The following TPRX1 variants were observed in gnomAD, a reference collection of about 807,000 sequenced individuals.
The protein encoded by TPRX1 is tetrapeptide repeat homeobox 1, also known as tetra-peptide repeat homeobox protein 1.
A neutral mutation model predicts 8.1 loss-of-function variants in TPRX1; 2 were observed. That is an observed-to-expected ratio of 0.25 (90% confidence interval 0.10 to 0.78). The LOEUF is 0.78. Among genes scored for constraint, TPRX1 ranks in the 30% least tolerant of loss-of-function variants. TPRX1 has a pLI of 0.70. For missense variants in TPRX1, 517 were observed against 586.9 expected (o/e 0.88, Z 1.23); for synonymous variants, 257 against 254.1 (o/e 1.01, Z -0.11).
At chr19:47,804,992 C>T (rs1967722180) in intron 2 of TPRX1, among the ~76,000 whole-genome samples, 1 of 152,226 alleles carries the variant, frequency 6.6e-6, no homozygotes, top group African/African-American at 2.4e-5. Context: ...GGCTGCCTGC[C>T]TTGTCCAGCC....
intron 2 of TPRX1, among the ~76,000 whole-genome samples, chr19:47,807,790 T>C (rs982059373): frequency 2.6e-5 from 4 of 152,290 alleles, no homozygotes; most frequent in Admixed American, 2.0e-4. Context: ...ATCAAAGAGA[T>C]GGATCAAGTG....
intron 2 of TPRX1, among the ~76,000 whole-genome samples, chr19:47,805,708 C>T (rs1285504385): frequency 2.0e-5 from 3 of 152,246 alleles, no homozygotes; most frequent in Non-Finnish European, 4.4e-5. Flanking sequence ...ACACATTGTC[C>T]GGCTTCATCT....
At chr19:47,808,395 G>A (rs1434297237) in intron 2 of TPRX1, among the ~76,000 whole-genome samples, 2 of 151,912 alleles carry the variant, frequency 1.3e-5, no homozygotes, top group Non-Finnish European at 2.9e-5. Flanking sequence ...GATTACAGGT[G>A]TGAGCCACCA....
At position 47,804,914 on chromosome 19, in the gene TPRX1, G is replaced by A. The variant is rs189486801; in HGVS notation, c.152-1241C>T. 3.1e-3 allele frequency among the ~76,000 whole-genome samples: 470 copies of A among 152,244 alleles called. 3 individuals carry two copies. The highest frequency in any genetic ancestry group is 0.011 in the African/African-American group (440 of 41,558). On this transcript the variant is annotated intron_variant, in intron 2 of 3. Transcript: ENST00000535759. ...CAGCCAGCCCCCAGGAGTCATCCTT[G>A]TTCCTTCCCAGGGCTGGGGCCCCGA...
intron 1 of TPRX1, chr19:47,818,567 T>C (rs775959848): frequency 7.0e-5 from 32 of 455,862 alleles, no homozygotes; most frequent in African/African-American, 5.8e-4. Flanking sequence ...AAACAAGATG[T>C]CAGTAAGAGT....
chr19:47,817,350 GC>G (rs1967853165), intron 2 of TPRX1, among the ~76,000 whole-genome samples: 1 of 152,222 alleles, frequency 6.6e-6, no homozygotes, highest in African/African-American at 2.4e-5. Context: ...GGAAACTGAG[GC>G]TGAGAGAAGT....
chr19:47,814,299 T>C lies in TPRX1; in HGVS notation c.151+4169A>G, dbSNP rs565244854. Among the ~76,000 whole-genome samples, 29 of 152,112 alleles carry C rather than the reference T, an allele frequency of 1.9e-4. 1 individual carries two copies. Among genetic ancestry groups the C allele is most frequent in the African/African-American group, 6.0e-4 (25 of 41,512 alleles). ...CGAACTCCTGAACTTAAGTGATCTG[T>C]TCACCTCGACCTCCCAAAGTGTTGG... On this transcript the variant is annotated intron_variant, in intron 2 of 3. Coordinates refer to ENST00000535759, the Ensembl canonical transcript of TPRX1.
intron 2 of TPRX1, among the ~76,000 whole-genome samples, chr19:47,810,735 A>G (rs1967775391): frequency 6.6e-6 from 1 of 151,968 alleles, no homozygotes; most frequent in Non-Finnish European, 1.5e-5. Context: ...CCTGCCCCCA[A>G]GAGGCCCACA....
chr19:47,812,977 C>T (rs901460361), intron 2 of TPRX1, among the ~76,000 whole-genome samples: 6 of 150,838 alleles, frequency 4.0e-5, no homozygotes, highest in South Asian at 2.1e-4. Flanking sequence ...TATGGTGGCA[C>T]GCGCCTGTAA....
chr19:47,802,085 C>G (rs1422272657), exon 4 of TPRX1: 17 of 1,590,352 alleles, frequency 1.1e-5, no homozygotes, highest in Non-Finnish European at 1.4e-5. Flanking sequence ...TGGGCCTGAG[C>G]CTGGGCCTAA....
At chr19:47,803,408 G>C (rs1173166445) in intron 3 of TPRX1, 96 bp downstream of exon 2, 6 of 668,900 alleles carry the variant, frequency 9.0e-6, no homozygotes, top group Non-Finnish European at 1.6e-5. Context: ...GTGGCAGGGC[G>C]GGAGGTGGTC....
chr19:47,806,830 T>C (rs1368691668), intron 2 of TPRX1, among the ~76,000 whole-genome samples: 2 of 152,050 alleles, frequency 1.3e-5, no homozygotes, highest in Non-Finnish European at 2.9e-5. Flanking sequence ...AGATAGCTAT[T>C]GGGGACGGTG....
At chr19:47,810,472 C>T (rs564279941) in intron 2 of TPRX1, among the ~76,000 whole-genome samples, 2 of 149,774 alleles carry the variant, frequency 1.3e-5, no homozygotes, top group East Asian at 4.1e-4. Flanking sequence ...CCTCAGCCTC[C>T]TGAGTAGCTG....
At chr19:47,809,811 G>T (rs1967766388) in intron 2 of TPRX1, among the ~76,000 whole-genome samples, 1 of 152,190 alleles carries the variant, frequency 6.6e-6, no homozygotes, top group African/African-American at 2.4e-5. Flanking sequence ...TTCAGGGTTG[G>T]ATGGAATTTC....
intron 2 of TPRX1, among the ~76,000 whole-genome samples, chr19:47,803,893 G>A (rs562329799): frequency 6.6e-6 from 1 of 152,036 alleles, no homozygotes; most frequent in Non-Finnish European, 1.5e-5. Flanking sequence ...GGCAGGCAGC[G>A]TAGGCGCCTC....
intron 2 of TPRX1, among the ~76,000 whole-genome samples, chr19:47,805,139 C>A (rs1188221841): frequency 6.6e-6 from 1 of 152,232 alleles, no homozygotes; most frequent in Non-Finnish European, 1.5e-5. Flanking sequence ...ATTGGCCCTG[C>A]TGATAATGGT....
At chr19:47,810,539 G>A (rs1967773622) in intron 2 of TPRX1, among the ~76,000 whole-genome samples, 2 of 151,592 alleles carry the variant, frequency 1.3e-5, no homozygotes, top group Admixed American at 6.6e-5. Context: ...AGTAGAGACA[G>A]CATTTCACCA....
rs1050327526 is a variant in TPRX1, at chr19:47,806,489, C to T, written c.152-2816G>A. Among the ~76,000 whole-genome samples the T allele has an allele frequency of 2.0e-5, 3 of 152,062 alleles. No homozygotes were observed. In the East Asian group the frequency reaches 5.8e-4, roughly 29 times the overall value. The stretch of plus-strand genomic sequence containing the variant: ...GAGCTGAGATGGTGCCACTGAACTC[C>T]AGCCTGGGTGACAGAGGGAGACTCT... On this transcript the variant is annotated intron_variant, in intron 2 of 3. Transcript: ENST00000535759.
Position 47,801,878 on chromosome 19 carries a change from C to A in TPRX1, c.1424G>T (p.Gly475Val). ...GTGTTTTTTGCCCATAGAGTCATCC[C>A]CTTCTTGGTACTGAGAGGTCATGGT... The change falls in exon 4 of 4, where the codon GGG becomes GTG. Residue 475 changes from glycine (G) to valine (V), a missense_variant. Gly to Val is a moderately radical substitution (Grantham distance 109). Coordinates refer to ENST00000535759, the Ensembl canonical transcript of TPRX1. 4 of 1,614,138 alleles carry A rather than the reference C, an allele frequency of 2.5e-6. 1 individual carries two copies. The South Asian group carries it at 4.4e-5, about 18-fold the overall frequency.
Sources: gnomAD v4.1 joint callset for allele counts (sites outside exome capture counted in the v4.1 genomes callset) on GRCh38, gnomAD v4.1.1 for gene constraint, MANE v1.5 for transcripts, NCBI Gene and HGNC (gene_info 2026-07-23, HGNC 2026-07-21) for gene names.